EXOSC7: variants seen among roughly 807,000 people sequenced by gnomAD.
EXOSC7 encodes exosome complex component RRP42.
A neutral mutation model predicts 34.3 loss-of-function variants in EXOSC7; 25 were observed. The ratio of observed to expected loss-of-function variants is 0.73; its 90% confidence interval spans 0.53 to 1.02. The LOEUF is 1.02. Among genes scored for constraint, EXOSC7 ranks in the 50% least tolerant of loss-of-function variants. EXOSC7 has a pLI of 0.00. For synonymous variants in EXOSC7, 130 were observed against 143.0 expected, an observed-to-expected ratio of 0.91 and a Z score of 0.65; for missense variants, 370 against 368.5, an observed-to-expected ratio of 1.00 and a Z score of -0.03.
At chr3:45,002,551 A>T (rs1576021911) in intron 5 of EXOSC7, among the ~76,000 whole-genome samples, 1 of 152,206 alleles carries the variant, frequency 6.6e-6, no homozygotes, top group East Asian at 1.9e-4. Flanking sequence ...CAGTCCCCTC[A>T]TCCTGGTTTT....
Position 44,989,566 on chromosome 3 carries a change from TGGTG to T in EXOSC7, c.179_182del (p.Val60GlufsTer2). 1 of 1,613,760 alleles carries T rather than the reference TGGTG, an allele frequency of 6.2e-7. No homozygotes were observed. Among genetic ancestry groups the T allele is most frequent in the Non-Finnish European group, 8.5e-7 (1 of 1,179,856 alleles). The stretch of plus-strand genomic sequence containing the variant: ...TGTCTGCAGGGTCACACAGACATCT[TGGTG>T]GGAGTGAAAGCAGAAATGGGGACGC... On this transcript the variant is annotated frameshift_variant, in exon 3 of 8. Coordinates refer to ENST00000265564, the MANE Select transcript of EXOSC7 (RefSeq NM_015004.4). LOFTEE classifies it high-confidence loss of function.
intron 3 of EXOSC7, among the ~76,000 whole-genome samples, chr3:44,989,930 GA>G (rs1411310558): frequency 6.6e-6 from 1 of 152,200 alleles, no homozygotes; most frequent in African/African-American, 2.4e-5. Context: ...AGGGTCAAAT[GA>G]AATGATTGTG....
intron 1 of EXOSC7, chr3:44,977,095 A>G (rs1706084734): frequency 6.6e-6 from 1 of 152,344 alleles, no homozygotes; most frequent in Non-Finnish European, 1.5e-5. Context: ...CCAATGAAGA[A>G]CTAAGATCCC....
At chr3:44,986,399 C>G (rs1043757731) in intron 1 of EXOSC7, among the ~76,000 whole-genome samples, 2 of 152,232 alleles carry the variant, frequency 1.3e-5, no homozygotes, top group Non-Finnish European at 2.9e-5. Flanking sequence ...CCCACACCCA[C>G]CCGCTGAGCC....
chr3:44,991,341 G>A (rs185130441), intron 3 of EXOSC7, among the ~76,000 whole-genome samples: 68 of 152,294 alleles, frequency 4.5e-4, no homozygotes, highest in African/African-American at 1.4e-3. Flanking sequence ...GTGGATGATG[G>A]TGACCTTGTT....
At chr3:44,995,797 T>C (rs1706705762) in intron 3 of EXOSC7, among the ~76,000 whole-genome samples, 1 of 152,176 alleles carries the variant, frequency 6.6e-6, no homozygotes, top group African/African-American at 2.4e-5. Context: ...AACAACATAG[T>C]CTGATTAATT....
At chr3:45,008,791 C>G (rs1707125887) in intron 7 of EXOSC7, among the ~76,000 whole-genome samples, 1 of 152,218 alleles carries the variant, frequency 6.6e-6, no homozygotes, top group African/African-American at 2.4e-5. Flanking sequence ...ACTGTCAAAC[C>G]TTGTTTTAGA....
chr3:45,010,352 A>G (rs1053484414), intron 7 of EXOSC7, among the ~76,000 whole-genome samples: 3 of 152,092 alleles, frequency 2.0e-5, no homozygotes, highest in Non-Finnish European at 4.4e-5. Flanking sequence ...GGCTCAAACA[A>G]TCCTCCCATC....
chr3:44,995,500 T>A (rs1178757119), intron 3 of EXOSC7, among the ~76,000 whole-genome samples: 11 of 152,220 alleles, frequency 7.2e-5, no homozygotes, highest in Non-Finnish European at 1.5e-4. Flanking sequence ...TGTAGATGTA[T>A]TTTTAAGCAC....
intron 5 of EXOSC7, chr3:45,004,203 A>G (rs1706964001): frequency 6.6e-6 from 1 of 151,704 alleles, no homozygotes. Context: ...ACCAGTTAAC[A>G]CTTCCACCAG....
At chr3:44,987,459 C>T (rs1706452405) in intron 1 of EXOSC7, among the ~76,000 whole-genome samples, 1 of 152,230 alleles carries the variant, frequency 6.6e-6, no homozygotes, top group African/African-American at 2.4e-5. Context: ...GTAATTCCAG[C>T]TACTTCAGAG....
chr3:44,981,256 C>T (rs572666390), intron 1 of EXOSC7, among the ~76,000 whole-genome samples: 3 of 152,194 alleles, frequency 2.0e-5, no homozygotes, highest in African/African-American at 7.2e-5. Context: ...CATATGGTTT[C>T]CTGCCTCTTT....
At chr3:44,988,984 ATGT>A (rs1298735862) in intron 1 of EXOSC7, among the ~76,000 whole-genome samples, 153 bp from the exon 2 acceptor site, 3 of 152,176 alleles carry the variant, frequency 2.0e-5, no homozygotes, top group Non-Finnish European at 2.9e-5. Context: ...TAAAATAGTA[ATGT>A]TGTTGTTAGC....
At chr3:44,984,200 G>A (rs111670920) in intron 1 of EXOSC7, among the ~76,000 whole-genome samples, 166 of 152,312 alleles carry the variant, frequency 1.1e-3, no homozygotes, top group African/African-American at 3.9e-3. Context: ...ACCAGATGTG[G>A]TGGCGCATGC....
chr3:45,011,212 T>G (rs868280661), intron 7 of EXOSC7, 23 bp from the exon 8 acceptor site: 2 of 1,495,258 alleles, frequency 1.3e-6, no homozygotes, highest in Middle Eastern at 1.7e-4. Context: ...GGGTGTGTGC[T>G]CTCTCCCGTC....
At chr3:44,981,063 CACCT>C (rs1171403808) in intron 1 of EXOSC7, among the ~76,000 whole-genome samples, 1 of 152,188 alleles carries the variant, frequency 6.6e-6, no homozygotes, top group Non-Finnish European at 1.5e-5. Context: ...GCATTTTACT[CACCT>C]ACAAAATACA....
rs764477751 is a variant in EXOSC7, at chr3:45,001,587, A to G, written c.470A>G (p.Lys157Arg). ...TTTGATGCCATTTCCATTGCTGTAA[A>G]GGCTGCTCTCTTCAATACAAGGTAA... is the stretch of plus-strand genomic sequence containing the variant. ...NLFDAISIAVKAALFNTRIPR... is the reference protein window; with the variant it reads ...NLFDAISIAVRAALFNTRIPR... Residue 157 changes from lysine to arginine, a missense_variant, in exon 5 of 8, where the codon AAG (lysine) becomes AGG (arginine). By Grantham distance (26) the Lys-to-Arg change is conservative. This residue lies in a region of EXOSC7 where 255 missense variants were observed against 246.4 expected (regional missense o/e 1.03). Transcript: ENST00000265564. 6.2e-7 allele frequency: 1 copy of G among 1,613,156 alleles called. No individual in the cohort carries two copies.
chr3:44,990,163 C>T (rs1011904572), intron 3 of EXOSC7, among the ~76,000 whole-genome samples: 1 of 152,142 alleles, frequency 6.6e-6, no homozygotes, highest in African/African-American at 2.4e-5. Context: ...AGCCTTGGGC[C>T]AGAATGTCAC....
intron 3 of EXOSC7, among the ~76,000 whole-genome samples, chr3:44,991,877 A>G (rs1395822212): frequency 6.6e-6 from 1 of 152,144 alleles, no homozygotes; most frequent in African/African-American, 2.4e-5. Flanking sequence ...CAAGATGGAC[A>G]GTCTCAAAGT....
Sources: allele counts gnomAD v4.1 joint callset (sites outside exome capture counted in the v4.1 genomes callset), GRCh38; gene constraint gnomAD v4.1.1; regional missense constraint gnomAD v4.1.1; transcripts MANE v1.5; gene names NCBI Gene and HGNC (gene_info 2026-07-23, HGNC 2026-07-21).